TRIM2: variants seen among roughly 807,000 people sequenced by gnomAD.
The protein encoded by TRIM2 is tripartite motif-containing protein 2.
Under a neutral mutation model 75.2 loss-of-function variants are expected in TRIM2, and 20 were observed. The ratio of observed to expected loss-of-function variants is 0.27; its 90% CI spans 0.19 to 0.39. TRIM2 has a LOEUF of 0.39. TRIM2 is among the 10% of genes least tolerant of loss of function. TRIM2 has a pLI of 1.00. For missense variants in TRIM2, 660 were observed against 990.8 expected (o/e 0.67, Z 4.48); for synonymous variants, 373 against 388.3 (o/e 0.96, Z 0.46).
chr4:153,314,823 A>C (rs1235464069), intron 6 of TRIM2, among the ~76,000 whole-genome samples: 1 of 152,206 alleles, frequency 6.6e-6, no homozygotes, highest in Non-Finnish European at 1.5e-5. Context: ...TCGGTTTGTC[A>C]AATGTACTGA....
At chr4:153,193,374 G>A (rs190635399) in intron 1 of TRIM2, among the ~76,000 whole-genome samples, 16 of 152,064 alleles carry the variant, frequency 1.1e-4, no homozygotes, top group Admixed American at 2.6e-4. Context: ...CTCGTGATCC[G>A]CCCGCCTTGT....
intron 1 of TRIM2, among the ~76,000 whole-genome samples, chr4:153,191,446 C>T (rs865959901): frequency 2.0e-4 from 30 of 152,232 alleles, no homozygotes; most frequent in African/African-American, 3.9e-4. Context: ...CATCCATCCC[C>T]GAGTGGATGC....
At chr4:153,300,350 C>T (rs1055722195) in intron 6 of TRIM2, among the ~76,000 whole-genome samples, 15 of 151,824 alleles carry the variant, frequency 9.9e-5, no homozygotes, top group Non-Finnish European at 1.6e-4. Flanking sequence ...AGTACAATGG[C>T]GAGGTCATGG....
At chr4:153,315,725 A>G (rs1767444219) in intron 7 of TRIM2, 107 bp from the exon 8 acceptor site, 1 of 1,479,082 alleles carries the variant, frequency 6.8e-7, no homozygotes, top group African/African-American at 1.4e-5. Context: ...CTTCAAATAG[A>G]GTTTGCGTGT....
intron 1 of TRIM2, among the ~76,000 whole-genome samples, chr4:153,244,119 CCAT>C (rs1478075991): frequency 4.0e-5 from 6 of 149,340 alleles, no homozygotes; most frequent in African/African-American, 1.5e-4. Flanking sequence ...TGTGCCACTG[CCAT>C]CTTCTTCTTC....
rs1274376805 is a variant in TRIM2 at position 153,338,112 on chromosome 4, A to G, written c.*3146A>G. ...TGAAGCAAATAAATACTCCAGATCCATGCAGCTAGAACACACTTGCTTCCA... is the reference window on the plus strand; with the variant it reads ...TGAAGCAAATAAATACTCCAGATCCGTGCAGCTAGAACACACTTGCTTCCA... On this transcript the variant is annotated 3_prime_UTR_variant, in exon 12 of 12. Coordinates refer to ENST00000338700, the MANE Select transcript of TRIM2 (RefSeq NM_015271.5). 1.0e-6 allele frequency: 1 copy of G among 985,766 alleles called. No individual in the cohort carries two copies. Among genetic ancestry groups the G allele is most frequent in the Non-Finnish European group, 1.2e-6 (1 of 829,942 alleles). The allele number at this position is 985,766 out of a possible 1,614,324, so 61.1% of individuals were successfully genotyped here.
At chr4:153,334,578 T>C (rs1404849974) in intron 11 of TRIM2, among the ~76,000 whole-genome samples, 2 of 152,096 alleles carry the variant, frequency 1.3e-5, no homozygotes, top group Admixed American at 6.6e-5. Flanking sequence ...TGGTGGCTCA[T>C]GGCTATTATC....
chr4:153,187,325 G>A (rs989934258), intron 1 of TRIM2, among the ~76,000 whole-genome samples: 9 of 152,154 alleles, frequency 5.9e-5, no homozygotes, highest in African/African-American at 1.7e-4. Context: ...GGGGCCAGCC[G>A]GTAGCTGTTT....
At chr4:153,276,287 C>A in intron 3 of TRIM2, 157 bp downstream of exon 3, 1 of 633,556 alleles carries the variant, frequency 1.6e-6, no homozygotes, top group East Asian at 2.7e-5. Flanking sequence ...TACCTGCTCA[C>A]TTTCTTTGAC....
intron 1 of TRIM2, among the ~76,000 whole-genome samples, chr4:153,244,426 CTTCTT>C (rs1748436876): frequency 1.9e-5 from 2 of 104,212 alleles, no homozygotes; most frequent in African/African-American, 4.0e-5. Flanking sequence ...TCTTCTTCTT[CTTCTT>C]CTTCTTTTAA....
At chr4:153,169,590 A>ATG (rs1002541546) in intron 1 of TRIM2, among the ~76,000 whole-genome samples, 29 of 152,132 alleles carry the variant, frequency 1.9e-4, no homozygotes, top group Admixed American at 1.8e-3. Context: ...ATACAACTGT[A>ATG]TGTGTGTGTA....
intron 3 of TRIM2, among the ~76,000 whole-genome samples, chr4:153,289,453 A>G (rs966030299): frequency 6.6e-6 from 1 of 152,214 alleles, no homozygotes; most frequent in African/African-American, 2.4e-5. Context: ...ACTTCCCTGT[A>G]ATCATTTAAA....
intron 8 of TRIM2, among the ~76,000 whole-genome samples, chr4:153,319,331 C>G (rs1768400244): frequency 6.6e-6 from 1 of 152,210 alleles, no homozygotes; most frequent in Non-Finnish European, 1.5e-5. Context: ...GGAAACACCT[C>G]TGGCCACCTT....
At chr4:153,263,893 A>G (rs1165846386) in intron 1 of TRIM2, among the ~76,000 whole-genome samples, 2 of 152,152 alleles carry the variant, frequency 1.3e-5, no homozygotes, top group African/African-American at 4.8e-5. Flanking sequence ...CACTAATCCC[A>G]TCATAAGGGC....
At chr4:153,230,102 G>C (rs1217031031) in intron 1 of TRIM2, among the ~76,000 whole-genome samples, 2 of 152,198 alleles carry the variant, frequency 1.3e-5, no homozygotes, top group Non-Finnish European at 2.9e-5. Flanking sequence ...AGTCTCTAGG[G>C]GCCTAGGCCC....
At position 153,204,518 on chromosome 4, in the gene TRIM2, G is replaced by T; in HGVS notation, c.-13G>T. 1.3e-6 allele frequency: 2 copies of T among 1,551,748 alleles called. No homozygotes were observed. Among genetic ancestry groups the T allele is most frequent in the Non-Finnish European group, 1.7e-6 (2 of 1,147,008 alleles). Reference sequence around the variant, plus strand: ...TAAGTCCCCAGATTGGAGGAGGCTGGCTCTGGTCTTCGATGCACAGGAGTG... The same window carrying T: ...TAAGTCCCCAGATTGGAGGAGGCTGTCTCTGGTCTTCGATGCACAGGAGTG... On this transcript the variant is annotated 5_prime_UTR_variant, in exon 1 of 12. Transcript: ENST00000338700.
chr4:153,258,097 A>G (rs1022822160), intron 1 of TRIM2, among the ~76,000 whole-genome samples: 10 of 152,130 alleles, frequency 6.6e-5, no homozygotes, highest in African/African-American at 2.4e-4. Flanking sequence ...TGGAGATGAA[A>G]TATTTGATTT....
chr4:153,178,346 T>C (rs10029367), intron 1 of TRIM2, among the ~76,000 whole-genome samples: 88,105 of 151,990 alleles, frequency 0.58, 26,376 homozygotes, highest in African/African-American at 0.74. Flanking sequence ...GAGATCCACT[T>C]GTCGATGACC....
chr4:153,334,782 C>T, intron 11 of TRIM2, 32 bp from the exon 12 acceptor site: 1 of 1,576,902 alleles, frequency 6.3e-7, no homozygotes, highest in Non-Finnish European at 8.7e-7. Context: ...ATAACTTCTC[C>T]TATAACATTC....
Sources: gnomAD v4.1 joint callset for allele counts (sites outside exome capture counted in the v4.1 genomes callset) on GRCh38, gnomAD v4.1.1 for gene constraint, MANE v1.5 for transcripts, NCBI Gene and HGNC (gene_info 2026-07-23, HGNC 2026-07-21) for gene names.